Variants in FRMPD4 observed in about 807,000 individuals in gnomAD.
FRMPD4 encodes the protein FERM and PDZ domain-containing protein 4.
FRMPD4 carries 22 observed loss-of-function variants against 94.1 expected under a neutral mutation model. The observed-to-expected ratio is 0.23, with a 90% CI of 0.17 to 0.33. The LOEUF (loss-of-function observed/expected upper bound fraction) is 0.33. Ranked by LOEUF, FRMPD4 falls within the 10% of genes least tolerant of loss-of-function variation. FRMPD4 has a pLI of 1.00. For missense variants in FRMPD4, 1,111 were observed against 1,339.9 expected (o/e 0.83, Z 2.67); for synonymous variants, 631 against 548.6 (o/e 1.15, Z -2.10).
intron 1 of FRMPD4, among the ~76,000 whole-genome samples, chrX:12,215,716 C>T (rs2056800102): frequency 8.9e-6 from 1 of 111,846 alleles, no homozygotes; most frequent in African/African-American, 3.3e-5. Flanking sequence ...CCATACTTCT[C>T]TCTAGGTACC....
intron 3 of FRMPD4, among the ~76,000 whole-genome samples, chrX:11,963,771 C>T (rs1248040483): frequency 9.0e-6 from 1 of 111,438 alleles, no homozygotes; most frequent in Non-Finnish European, 1.9e-5. Context: ...AAGCCTAAGG[C>T]AAAGGGCAAG....
intron 1 of FRMPD4, among the ~76,000 whole-genome samples, chrX:12,141,234 T>G (rs1413404416): frequency 8.9e-6 from 1 of 112,135 alleles, no homozygotes; most frequent in African/African-American, 3.2e-5. Flanking sequence ...GGATTTAGCT[T>G]TGATCAGCAT....
At chrX:12,490,354 T>A (rs900195770) in intron 1 of FRMPD4, among the ~76,000 whole-genome samples, 3 of 110,774 alleles carry the variant, frequency 2.7e-5, no homozygotes, top group African/African-American at 9.9e-5. Context: ...ACATGTGAAC[T>A]TTGGGGGACA....
At chrX:12,250,311 C>T (rs964583097) in intron 1 of FRMPD4, among the ~76,000 whole-genome samples, 2 of 111,359 alleles carry the variant, frequency 1.8e-5, no homozygotes, top group Admixed American at 9.6e-5. Flanking sequence ...TACCTAAATG[C>T]AGTTTGAGAG....
chrX:12,374,692 G>A (rs767485803), intron 1 of FRMPD4, among the ~76,000 whole-genome samples: 4 of 111,739 alleles, frequency 3.6e-5, no homozygotes, highest in Admixed American at 9.5e-5. Flanking sequence ...CCATGCAAGC[G>A]CAGGGTCGGA....
At chrX:12,294,467 TAC>T (rs766103055) in intron 1 of FRMPD4, among the ~76,000 whole-genome samples, 2 of 87,254 alleles carry the variant, frequency 2.3e-5, no homozygotes, top group Non-Finnish European at 4.4e-5. Context: ...CTCATAACTG[TAC>T]ACACACACAC....
Position 12,550,605 on chromosome X carries a change from T to C in FRMPD4, c.158+51809T>C, listed in dbSNP as rs184919878. ...ATTTTGAAAGCACTTTTCCAACCCATTTATTAAAGAGTATCCATTTTCTGA... is the reference window on the plus strand; with the variant it reads ...ATTTTGAAAGCACTTTTCCAACCCACTTATTAAAGAGTATCCATTTTCTGA... On this transcript the variant is annotated intron_variant, in intron 2 of 16. Transcript: ENST00000675598. Among the ~76,000 whole-genome samples the C allele has an allele frequency of 1.3e-3, 149 of 111,419 alleles. 3 individuals carry two copies. The South Asian group carries it at 0.043, about 32-fold the overall frequency.
At position 12,717,050 on chromosome X, in the gene FRMPD4, G is replaced by T; in HGVS notation, c.2591G>T (p.Gly864Val). 4.1e-6 allele frequency: 5 copies of T among 1,210,295 alleles called. No individual in the cohort carries two copies. The East Asian group carries it at 1.5e-4, about 36-fold the overall frequency. ...AGCGCCGAAGGCAAGTGTGAGAAGGGACTGGATAATGCCGTCGTCTCCACG... is the reference window on the plus strand; with the variant it reads ...AGCGCCGAAGGCAAGTGTGAGAAGGTACTGGATAATGCCGTCGTCTCCACG... ...PTSAEGKCEK[G>V]LDNAVVSTLG... Residue 864 changes from glycine to valine, a missense_variant, in exon 15 of 17, where the codon GGA becomes GTA. By Grantham distance (109) the Gly-to-Val change is moderately radical. This residue lies in a region of FRMPD4 where 74 missense variants were observed against 93.9 expected (regional missense o/e 0.79). Coordinates refer to ENST00000675598, the MANE Select transcript of FRMPD4 (RefSeq NM_001368397.1).
At chrX:12,202,674 A>G (rs1303379123) in intron 1 of FRMPD4, among the ~76,000 whole-genome samples, 1 of 112,215 alleles carries the variant, frequency 8.9e-6, no homozygotes, top group Non-Finnish European at 1.9e-5. Context: ...TAACCTTATT[A>G]GGAAATAGGG....
intron 1 of FRMPD4, among the ~76,000 whole-genome samples, chrX:12,431,145 G>C (rs1321220087): frequency 1.8e-5 from 2 of 112,527 alleles, no homozygotes; most frequent in Non-Finnish European, 3.8e-5. Context: ...AAGCAATTTG[G>C]GGGGCTTTAG....
intron 3 of FRMPD4, among the ~76,000 whole-genome samples, chrX:12,010,647 G>A (rs1209848822): frequency 2.7e-5 from 3 of 112,361 alleles, no homozygotes; most frequent in Non-Finnish European, 5.6e-5. Flanking sequence ...ACAAAAACAT[G>A]CAAAGGACCA....
At chrX:12,066,936 C>T (rs1277038325) in intron 3 of FRMPD4, among the ~76,000 whole-genome samples, 1 of 105,004 alleles carries the variant, frequency 9.5e-6, no homozygotes, top group East Asian at 3.2e-4. Context: ...GTGGTGTGAT[C>T]TCGCCTCACT....
chrX:12,395,861 A>G (rs538274086), intron 1 of FRMPD4: 2 of 114,050 alleles, frequency 1.8e-5, no homozygotes, highest in South Asian at 6.8e-4. Context: ...GAGCTCATGT[A>G]TGGTTCATCT....
chrX:12,351,173 A>AC lies in FRMPD4; in HGVS notation c.42-147507_42-147506insC, dbSNP rs72427668. On this transcript the variant is annotated intron_variant, in intron 1 of 16. Coordinates refer to ENST00000675598, the MANE Select transcript of FRMPD4 (RefSeq NM_001368397.1). ...GTGACAGAGTGAGACTCCACCTCAC[A>AC]AAAAAAAAAAAAAAGTGTGATTATG... Among the ~76,000 whole-genome samples, 3 of 21,554 alleles carry AC rather than the reference A, an allele frequency of 1.4e-4. No homozygotes were observed. The African/African-American group carries it at 1.4e-3, about 10-fold the overall frequency. 18.7% of individuals were successfully genotyped at this position (21,554 alleles called of 115,157 possible).
intron 1 of FRMPD4, among the ~76,000 whole-genome samples, chrX:12,380,126 G>A (rs893508825): frequency 2.7e-5 from 3 of 111,837 alleles, no homozygotes; most frequent in Non-Finnish European, 3.8e-5. Context: ...ATTGTTCTGA[G>A]CCTATAAAAG....
intron 1 of FRMPD4, among the ~76,000 whole-genome samples, chrX:11,848,987 T>C (rs1181717054): frequency 3.6e-5 from 4 of 111,379 alleles, no homozygotes; most frequent in African/African-American, 1.3e-4. Context: ...GGATAAGGTA[T>C]ATCCAAATTG....
At chrX:12,130,235 C>G (rs2055540224) in intron 3 of FRMPD4, among the ~76,000 whole-genome samples, 1 of 111,546 alleles carries the variant, frequency 9.0e-6, no homozygotes, top group African/African-American at 3.3e-5. Flanking sequence ...TTGACAATAT[C>G]TTCCAGGGCC....
At chrX:12,678,591 C>T (rs756065017) in intron 5 of FRMPD4, among the ~76,000 whole-genome samples, 46 of 111,958 alleles carry the variant, frequency 4.1e-4, no homozygotes, top group South Asian at 3.0e-3. Flanking sequence ...TTTGGGAGGC[C>T]GAGGCGGGCA....
chrX:12,044,174 A>T (rs2147445546), intron 3 of FRMPD4, among the ~76,000 whole-genome samples: 1 of 112,139 alleles, frequency 8.9e-6, no homozygotes, highest in Non-Finnish European at 1.9e-5. Flanking sequence ...TGTTCATATA[A>T]TTTTTTATGA....
Sources: allele counts gnomAD v4.1 joint callset (sites outside exome capture counted in the v4.1 genomes callset), GRCh38; gene constraint gnomAD v4.1.1; regional missense constraint gnomAD v4.1.1; transcripts MANE v1.5; gene names NCBI Gene and HGNC (gene_info 2026-07-23, HGNC 2026-07-21).